The following PLEKHG5 variants were observed in gnomAD, a reference collection of about 807,000 sequenced individuals.
PLEKHG5 encodes the protein pleckstrin homology domain-containing family G member 5.
Under a neutral mutation model 103.8 loss-of-function variants are expected in PLEKHG5, and 52 were observed. The ratio of observed to expected loss-of-function variants is 0.50; its 90% CI spans 0.40 to 0.63. The LOEUF is 0.63. Ranked by LOEUF, PLEKHG5 falls within the 30% of genes least tolerant of loss-of-function variation. PLEKHG5 has a pLI of 0.00. For missense variants in PLEKHG5, 1,205 were observed against 1,347.6 expected, an observed-to-expected ratio of 0.89 and a Z score of 1.66; for synonymous variants, 592 against 575.5, an observed-to-expected ratio of 1.03 and a Z score of -0.41.
rs559232334 is a variant in PLEKHG5, at chr1:6,470,716, C to G, written c.1542+19G>C. ...AGAGCCGCGCAGGGGGGACGGCTCC[C>G]GCTGGCCATCAGGGTTACCATGGCG... On this transcript the variant is annotated intron_variant, in intron 14 of 20. Transcript: ENST00000377728. The G allele has an allele frequency of 6.4e-7, 1 of 1,551,846 alleles. No individual in the cohort carries two copies. The highest frequency in any genetic ancestry group is 2.4e-5 in the East Asian group (1 of 41,360).
At chr1:6,515,031 C>G (rs77098383) in intron 1 of PLEKHG5, among the ~76,000 whole-genome samples, 20,595 of 151,148 alleles carry the variant, frequency 0.14, 1,692 homozygotes, top group East Asian at 0.38. Context: ...TCCAGCCTGG[C>G]GAGAGAGCAA....
chr1:6,501,906 C>T lies in PLEKHG5; in HGVS notation c.-164-5337G>A, dbSNP rs1441521916. Among the ~76,000 whole-genome samples the T allele has an allele frequency of 1.3e-5, 2 of 152,374 alleles. No homozygotes were observed. The highest frequency in any genetic ancestry group is 2.4e-5 in the African/African-American group (1 of 41,594). On this transcript the variant is annotated intron_variant, in intron 1 of 21. Transcript: ENST00000377740. The surrounding 1 kb of genome is among the most constrained non-coding windows in gnomAD (Gnocchi z 4.3). ...TCCAGGGTAGCCCCTCACCTGTGAA[C>T]CCTCCACTCCGATGAACCCTTCTGT...
At chr1:6,497,266 G>T, upstream of PLEKHG5, 2 of 903,926 alleles carry the variant, frequency 2.2e-6, no homozygotes, top group South Asian at 2.9e-5. The surrounding 1 kb of genome is among the most constrained non-coding windows in gnomAD (Gnocchi z 6.1). Flanking sequence ...TTAGGAGCCG[G>T]CCCGGCCCCC....
rs367786789 is a variant in PLEKHG5, at chr1:6,473,356, G to A, written c.690C>T (p.Ser230=). Residue 230 remains serine, a synonymous_variant, in exon 8 of 21, where the codon AGC becomes AGT. Coordinates refer to ENST00000377728, the MANE Select transcript of PLEKHG5 (RefSeq NM_020631.6). ...CAGTGTTGGTGCTGCCACTGCTGCC[G>A]CTGGGCAGAGAGCAGCTGGAGGGCG... ...PPTPSSCSLP[S]GSSGSTNTGD... 7.1e-6 allele frequency: 11 copies of A among 1,551,420 alleles called. No homozygotes were observed. Among genetic ancestry groups the A allele is most frequent in the African/African-American group, 2.7e-5 (2 of 73,144 alleles).
rs1644685170 is a variant in PLEKHG5 at position 6,474,120 on chromosome 1, T to C, written c.484A>G (p.Lys162Glu). ...GDEGKVEQGM[K>E]DSKSLSLPIL... ...GGCAAACTCAGGGACTTGGAGTCCTTCATGCCCTGCTCCACCTTGCCCTCA... is the reference window on the plus strand; with the variant it reads ...GGCAAACTCAGGGACTTGGAGTCCTCCATGCCCTGCTCCACCTTGCCCTCA... The change falls in exon 7 of 21, where the codon AAG becomes GAG. Residue 162 changes from lysine (K) to glutamate (E), a missense_variant. By Grantham distance (56) the Lys-to-Glu change is moderately conservative. Coordinates refer to ENST00000377728, the MANE Select transcript of PLEKHG5 (RefSeq NM_020631.6). 3 of 1,613,394 alleles carry C rather than the reference T, an allele frequency of 1.9e-6. No homozygotes were observed. The highest frequency in any genetic ancestry group is 1.3e-5 in the African/African-American group (1 of 74,918).
At position 6,471,087 on chromosome 1, in the gene PLEKHG5, A is replaced by G. The variant is rs1384133118; in HGVS notation, c.1295T>C (p.Phe432Ser). 1.3e-6 allele frequency: 2 copies of G among 1,586,986 alleles called. No homozygotes were observed. The highest frequency in any genetic ancestry group is 1.7e-6 in the Non-Finnish European group (2 of 1,167,970). ...LKGFKMFGSL[F>S]KPYIRYCMEE... The stretch of plus-strand genomic sequence containing the variant: ...CATGCAGTAGCGGATGTAGGGCTTG[A>G]AGAGCGAGCCGAACTGGCCCGGGGC... Residue 432 changes from phenylalanine to serine, a missense_variant, in exon 13 of 21, where the codon TTC becomes TCC. Physicochemically the swap from Phe to Ser is radical, Grantham distance 155. Transcript: ENST00000377728.
upstream of PLEKHG5, among the ~76,000 whole-genome samples, chr1:6,500,751 C>G (rs1021557703): frequency 6.6e-6 from 1 of 152,112 alleles, no homozygotes; most frequent in Non-Finnish European, 1.5e-5. Context: ...GGACCTGGAA[C>G]CCTGAGCTCC....
upstream of PLEKHG5, among the ~76,000 whole-genome samples, chr1:6,501,485 C>T (rs1362963293): frequency 1.3e-5 from 2 of 152,190 alleles, no homozygotes; most frequent in African/African-American, 2.4e-5. This position sits in a 1 kb window ranked among gnomAD's most constrained non-coding sequence, Gnocchi z 4.3. Flanking sequence ...CCTGTCTTCC[C>T]CATCAGACGG....
At chr1:6,494,148 T>TC (rs1253636519), upstream of PLEKHG5, among the ~76,000 whole-genome samples, 1 of 116,440 alleles carries the variant, frequency 8.6e-6, no homozygotes, top group East Asian at 2.6e-4. Flanking sequence ...TTTTTTTTTT[T>TC]AGACGGAGTC....
intron 17 of PLEKHG5, 35 bp from the exon 18 acceptor site, chr1:6,469,485 G>A (rs1257373300): frequency 6.2e-7 from 1 of 1,613,404 alleles, no homozygotes; most frequent in South Asian, 1.1e-5. Context: ...TGTCAGCAGA[G>A]ACGATGGCCC....
At chr1:6,498,347 C>T (rs1480474124), upstream of PLEKHG5, among the ~76,000 whole-genome samples, 1 of 152,222 alleles carries the variant, frequency 6.6e-6, no homozygotes, top group Non-Finnish European at 1.5e-5. Context: ...CCTGCATGGA[C>T]TCCTTACATG....
upstream of PLEKHG5, among the ~76,000 whole-genome samples, chr1:6,498,074 T>G (rs1645254036): frequency 6.6e-6 from 1 of 152,016 alleles, no homozygotes; most frequent in African/African-American, 2.4e-5. Flanking sequence ...TCCTGTAGTT[T>G]ATGTAAATGG....
intron 1 of PLEKHG5, chr1:6,485,922 T>C: frequency 3.0e-6 from 3 of 985,850 alleles, no homozygotes; most frequent in Non-Finnish European, 3.6e-6. Context: ...TCCTCAGAAC[T>C]TGCTCTTTCT....
At chr1:6,485,985 C>G in intron 1 of PLEKHG5, 4 of 815,474 alleles carry the variant, frequency 4.9e-6, no homozygotes, top group Non-Finnish European at 5.9e-6. Context: ...ACACCCCCCC[C>G]CACCTTGGAG....
At position 6,469,633 on chromosome 1, in the gene PLEKHG5, GT is replaced by G. The variant is rs1569845887; in HGVS notation, c.1843del (p.Thr615ProfsTer4). ...CCTCTCTGCCTTCTTCACTGCTTTG[GT>G]CACCAACAGCAGATCCGTGAAGAGG... ...CFLFTDLLLV[T>X]KAVKKAERTR... On this transcript the variant is annotated frameshift_variant, in exon 17 of 21. Coordinates refer to ENST00000377728, the MANE Select transcript of PLEKHG5 (RefSeq NM_020631.6). LOFTEE classifies it high-confidence loss of function. The G allele has an allele frequency of 6.2e-7, 1 of 1,613,722 alleles. No homozygotes were observed. Among genetic ancestry groups the G allele is most frequent in the Non-Finnish European group, 8.5e-7 (1 of 1,180,008 alleles).
chr1:6,488,520 C>T (rs559859012), intron 1 of PLEKHG5, among the ~76,000 whole-genome samples: 11 of 152,210 alleles, frequency 7.2e-5, no homozygotes, highest in Admixed American at 2.0e-4. Context: ...TGGGTCAGGG[C>T]GGATCACCAG....
intron 1 of PLEKHG5, chr1:6,485,224 A>G: frequency 3.9e-6 from 3 of 773,704 alleles, no homozygotes; most frequent in Non-Finnish European, 3.6e-6. Context: ...CGGGGCCCAT[A>G]GTCACGGGCA....
upstream of PLEKHG5, among the ~76,000 whole-genome samples, chr1:6,492,037 G>T (rs924077664): frequency 6.6e-5 from 10 of 152,172 alleles, no homozygotes; most frequent in Non-Finnish European, 1.2e-4. Context: ...GAGAGGCCTG[G>T]TTTGAGTCCT....
At chr1:6,502,382 G>A (rs1393448323) in intron 1 of PLEKHG5, among the ~76,000 whole-genome samples, 1 of 152,250 alleles carries the variant, frequency 6.6e-6, no homozygotes, top group Non-Finnish European at 1.5e-5. Flanking sequence ...TCTGCCTACA[G>A]CCCAGAACCA....
Sources: allele counts gnomAD v4.1 joint callset (sites outside exome capture counted in the v4.1 genomes callset), GRCh38; gene constraint gnomAD v4.1.1; non-coding constraint Gnocchi (gnomAD v3.1); transcripts MANE v1.5; gene names NCBI Gene and HGNC (gene_info 2026-07-23, HGNC 2026-07-21).